Variants in C11orf65 observed in about 807,000 individuals in gnomAD.
The protein encoded by C11orf65 is chromosome 11 open reading frame 65.
Under a neutral mutation model 35.3 loss-of-function variants are expected in C11orf65, and 38 were observed. The ratio of observed to expected loss-of-function variants is 1.08; its 90% CI spans 0.83 to 1.41. The LOEUF (loss-of-function observed/expected upper bound fraction) is 1.41. Among genes scored for constraint, C11orf65 ranks in the 40% most tolerant of loss-of-function variants. The pLI is 0.00. For missense variants in C11orf65, 370 were observed against 367.1 expected (o/e 1.01, Z -0.06); for synonymous variants, 105 against 114.4 (o/e 0.92, Z 0.53).
chr11:108,458,511 A>C (rs1343399189), intron 2 of C11orf65, among the ~76,000 whole-genome samples: 1 of 152,162 alleles, frequency 6.6e-6, no homozygotes, highest in African/African-American at 2.4e-5. Flanking sequence ...AGTGGTGAAC[A>C]GACTTGGGTG....
chr11:108,453,488 T>C (rs1454589523), intron 2 of C11orf65, among the ~76,000 whole-genome samples: 1 of 152,154 alleles, frequency 6.6e-6, no homozygotes, highest in African/African-American at 2.4e-5. Context: ...AATCCAACTG[T>C]ATTTTGTTTA....
chr11:108,420,638 G>T (rs1318665488), intron 3 of C11orf65, among the ~76,000 whole-genome samples: 1 of 152,130 alleles, frequency 6.6e-6, no homozygotes, highest in Non-Finnish European at 1.5e-5. Flanking sequence ...TTCTTAAAGA[G>T]GGATCTAACA....
chr11:108,421,080 T>C (rs1044750522), intron 3 of C11orf65, among the ~76,000 whole-genome samples: 2 of 152,196 alleles, frequency 1.3e-5, no homozygotes, highest in Non-Finnish European at 2.9e-5. Flanking sequence ...GTCACTTCCT[T>C]CACCCTAGCC....
At chr11:108,380,995 C>T (rs1211627483), downstream of C11orf65, among the ~76,000 whole-genome samples, 2 of 152,090 alleles carry the variant, frequency 1.3e-5, no homozygotes, top group East Asian at 3.9e-4. Context: ...AACACTAGTC[C>T]TATCATATGC....
chr11:108,347,832 A>G (rs1346942180), intron 2 of C11orf65, among the ~76,000 whole-genome samples: 1 of 152,190 alleles, frequency 6.6e-6, no homozygotes, highest in Non-Finnish European at 1.5e-5. Flanking sequence ...ACTATAGGAA[A>G]TAAATGAAGG....
downstream of C11orf65, among the ~76,000 whole-genome samples, chr11:108,330,604 G>T (rs948127769): frequency 1.6e-4 from 25 of 152,138 alleles, no homozygotes; most frequent in African/African-American, 4.8e-4. Context: ...ACAAGTTCTA[G>T]TCTTGTTTCT....
downstream of C11orf65, among the ~76,000 whole-genome samples, chr11:108,331,043 T>TCTGCTGTAGTATACA (rs1419102650): frequency 6.6e-6 from 1 of 152,198 alleles, no homozygotes; most frequent in Non-Finnish European, 1.5e-5. Context: ...ACAGTCAATC[T>TCTGCTGTAGTATACA]CTGCTGTAGT....
intron 5 of C11orf65, among the ~76,000 whole-genome samples, chr11:108,405,840 T>C (rs1219336591): frequency 6.6e-6 from 1 of 152,200 alleles, no homozygotes; most frequent in African/African-American, 2.4e-5. Flanking sequence ...GAGTGTCTCA[T>C]CTTCTCACAT....
rs2086664285 is a variant in C11orf65, at chr11:108,334,943, A to G, written c.299+277T>C. 2.5e-6 allele frequency: 4 copies of G among 1,601,226 alleles called. No homozygotes were observed. The African/African-American group carries it at 4.0e-5, about 16-fold the overall frequency. ...GTGCAAATAGTGTATCTGACCTATT[A>G]TCAATCATGTTTATACTTTTATTAG... On this transcript the variant is annotated intron_variant, in intron 3 of 3. Transcript: ENST00000524755.
Position 108,325,921 on chromosome 11 carries a change from G to C in C11orf65, c.641-16850C>G. 10 of 1,055,206 alleles carry C rather than the reference G, an allele frequency of 9.5e-6. No homozygotes were observed. In the South Asian group the frequency reaches 1.4e-4, roughly 15 times the overall value. The allele number at this position is 1,055,206 out of a possible 1,614,324, so 65.4% of individuals were successfully genotyped here. ...GGGGTGGGGAGATGTCATGCAGACA[G>C]AGAGGTCCTTAAGATAGTCCCTGAC... is the stretch of plus-strand genomic sequence containing the variant. On this transcript the variant is annotated intron_variant, in intron 6 of 6. Coordinates refer to the C11orf65 transcript ENST00000525729.
At position 108,353,620 on chromosome 11, in the gene C11orf65, A is replaced by G. The variant is rs184942566; in HGVS notation, c.227-18328T>C. The G allele has an allele frequency of 1.1e-4, 71 of 667,120 alleles. No individual in the cohort carries two copies. In the East Asian group the frequency reaches 1.5e-3, roughly 14 times the overall value. The allele number at this position is 667,120 out of a possible 1,614,324, so 41.3% of individuals were successfully genotyped here. ...AGTGACAAAGATGAGGAAGGCAGCCAGAGCAGAAGTAAACTACTGTACATA... is the reference window on the plus strand; with the variant it reads ...AGTGACAAAGATGAGGAAGGCAGCCGGAGCAGAAGTAAACTACTGTACATA... On this transcript the variant is annotated intron_variant, in intron 2 of 3. Coordinates refer to the C11orf65 transcript ENST00000524755.
chr11:108,334,727 T>A (rs969204861), intron 3 of C11orf65, among the ~76,000 whole-genome samples: 2 of 152,212 alleles, frequency 1.3e-5, no homozygotes, highest in African/African-American at 4.8e-5. Context: ...AAATTTACTT[T>A]ATGTTTTCGT....
chr11:108,401,305 G>A (rs1232355833), intron 6 of C11orf65, among the ~76,000 whole-genome samples: 1 of 148,712 alleles, frequency 6.7e-6, no homozygotes, highest in Non-Finnish European at 1.5e-5. Context: ...TAATGGAACA[G>A]AAATTAAAAA....
intron 6 of C11orf65, among the ~76,000 whole-genome samples, chr11:108,400,771 C>T (rs1422595026): frequency 6.6e-6 from 1 of 152,184 alleles, no homozygotes; most frequent in Non-Finnish European, 1.5e-5. Flanking sequence ...CTGTCATCTC[C>T]AGCCTTGTAA....
chr11:108,359,855 A>G (rs1199978342), intron 2 of C11orf65, among the ~76,000 whole-genome samples: 1 of 152,210 alleles, frequency 6.6e-6, no homozygotes, highest in African/African-American at 2.4e-5. Flanking sequence ...GAAAGATCCA[A>G]AACTGACACC....
At chr11:108,337,680 A>G (rs919874852) in intron 2 of C11orf65, among the ~76,000 whole-genome samples, 29 of 152,352 alleles carry the variant, frequency 1.9e-4, no homozygotes, top group Admixed American at 1.7e-3. Flanking sequence ...TTGATGATCT[A>G]TTAGCTATCT....
At chr11:108,462,499 C>G (rs755952421) in intron 1 of C11orf65, 1 of 152,188 alleles carries the variant, frequency 6.6e-6, no homozygotes, top group Admixed American at 6.5e-5. Context: ...AGTAACTAAA[C>G]CAGTTATTGA....
intron 7 of C11orf65, among the ~76,000 whole-genome samples, chr11:108,391,341 T>C (rs891197939): frequency 1.3e-5 from 2 of 152,192 alleles, no homozygotes; most frequent in Non-Finnish European, 2.9e-5. Flanking sequence ...TGGCTTTTAG[T>C]ATAATATTAG....
intron 6 of C11orf65, among the ~76,000 whole-genome samples, chr11:108,314,976 C>CA (rs1223014650): frequency 6.6e-6 from 1 of 152,194 alleles, no homozygotes; most frequent in Admixed American, 6.5e-5. Flanking sequence ...CAGAATGTAT[C>CA]AAACAATTCA....
Sources: gnomAD v4.1 joint callset for allele counts (sites outside exome capture counted in the v4.1 genomes callset) on GRCh38, gnomAD v4.1.1 for gene constraint, MANE v1.5 for transcripts, NCBI Gene and HGNC (gene_info 2026-07-23, HGNC 2026-07-21) for gene names.